The following MBNL3 variants were observed in gnomAD, a reference collection of about 807,000 sequenced individuals.
MBNL3 encodes the protein muscleblind-like protein 3.
MBNL3 carries 6 observed loss-of-function variants against 24.5 expected under a neutral mutation model. That is an observed-to-expected ratio of 0.25 (90% confidence interval 0.13 to 0.48). The LOEUF is 0.48. MBNL3 is among the 20% of genes least tolerant of loss of function. The probability of loss-of-function intolerance (pLI) is 0.99; values close to 1 mark genes in which losing one functional copy is unlikely to be tolerated. For synonymous variants in MBNL3, 100 were observed against 101.7 expected (o/e 0.98, Z 0.10); for missense variants, 230 against 293.5 (o/e 0.78, Z 1.58).
intron 1 of MBNL3, among the ~76,000 whole-genome samples, chrX:132,484,849 T>C (rs1167991012): frequency 1.8e-5 from 2 of 110,862 alleles, no homozygotes; most frequent in Non-Finnish European, 3.8e-5. Context: ...GTTGACATAA[T>C]ATTTTAGGAA....
chrX:132,390,151 C>T (rs1936867913), intron 5 of MBNL3, among the ~76,000 whole-genome samples: 1 of 107,084 alleles, frequency 9.3e-6, no homozygotes, highest in Non-Finnish European at 1.9e-5. Flanking sequence ...TGAGATCACG[C>T]CACTGCACCC....
rs1434743070 is a variant in MBNL3 at position 132,460,486 on chromosome X, T to C, written c.-703-20172A>G. 3.6e-5 allele frequency among the ~76,000 whole-genome samples: 4 copies of C among 111,639 alleles called. No homozygotes were observed. The East Asian group carries it at 1.1e-3, about 31-fold the overall frequency. ...AATAATCTGTACTTCAGTTTCCTCA[T>C]CTATAAAATGGTGGCAGTAATAGTA... On this transcript the variant is annotated intron_variant, in intron 1 of 8. Coordinates refer to ENST00000370853, the MANE Select transcript of MBNL3 (RefSeq NM_001386889.1).
At chrX:132,421,266 G>T (rs897876193) in intron 2 of MBNL3, among the ~76,000 whole-genome samples, 2 of 111,035 alleles carry the variant, frequency 1.8e-5, no homozygotes, top group Non-Finnish European at 3.8e-5. Context: ...TATTTCCCGA[G>T]AATTAAGTAT....
At chrX:132,483,222 C>T (rs1947834103) in intron 1 of MBNL3, among the ~76,000 whole-genome samples, 1 of 112,081 alleles carries the variant, frequency 8.9e-6, no homozygotes, top group Non-Finnish European at 1.9e-5. Flanking sequence ...GCACCCCCAA[C>T]TGGGCCATTA....
intron 1 of MBNL3, among the ~76,000 whole-genome samples, chrX:132,463,208 T>A (rs1336444696): frequency 2.7e-5 from 3 of 112,465 alleles, no homozygotes; most frequent in Admixed American, 9.4e-5. Context: ...ATGCCTGTAA[T>A]CTCAGCACTT....
intron 1 of MBNL3, among the ~76,000 whole-genome samples, chrX:132,465,550 C>A (rs1324833679): frequency 8.9e-6 from 1 of 112,164 alleles, no homozygotes; most frequent in African/African-American, 3.2e-5. Context: ...TAAATCGAAC[C>A]TTAAAAAGTT....
intron 5 of MBNL3, among the ~76,000 whole-genome samples, chrX:132,389,064 T>G (rs1380550626): frequency 8.9e-6 from 1 of 112,124 alleles, no homozygotes; most frequent in Non-Finnish European, 1.9e-5. Context: ...TTGTAACCTA[T>G]GCATTCTATC....
intron 2 of MBNL3, among the ~76,000 whole-genome samples, chrX:132,414,491 A>C (rs1943112927): frequency 8.9e-6 from 1 of 112,007 alleles, no homozygotes; most frequent in African/African-American, 3.2e-5. Context: ...GGAACCTCAA[A>C]AGCTGGGTTC....
intron 1 of MBNL3, among the ~76,000 whole-genome samples, chrX:132,481,309 A>C (rs1414798316): frequency 2.7e-5 from 3 of 112,635 alleles, no homozygotes; most frequent in Non-Finnish European, 5.6e-5. Flanking sequence ...TATCCAAAAA[A>C]CATTCACTTA....
At chrX:132,389,498 A>T (rs1238297789) in intron 5 of MBNL3, among the ~76,000 whole-genome samples, 1 of 111,880 alleles carries the variant, frequency 8.9e-6, no homozygotes, top group East Asian at 2.8e-4. Flanking sequence ...GATGTTTGAA[A>T]ATAAGTGTCT....
chrX:132,463,677 A>G (rs1021877935), intron 1 of MBNL3, among the ~76,000 whole-genome samples: 1 of 111,506 alleles, frequency 9.0e-6, no homozygotes, highest in Non-Finnish European at 1.9e-5. Flanking sequence ...AGTTTCGCAC[A>G]CAATTTTAAA....
chrX:132,412,754 C>T (rs775691037), intron 2 of MBNL3, among the ~76,000 whole-genome samples: 59 of 111,993 alleles, frequency 5.3e-4, no homozygotes, highest in African/African-American at 1.7e-3. Context: ...CATCGAATAC[C>T]GTACATCACT....
chrX:132,412,388 C>A (rs748002832), intron 2 of MBNL3, among the ~76,000 whole-genome samples: 2 of 112,012 alleles, frequency 1.8e-5, no homozygotes, highest in South Asian at 3.8e-4. Context: ...CCCCACCCCC[C>A]ATCCTGAATT....
intron 2 of MBNL3, among the ~76,000 whole-genome samples, chrX:132,428,566 A>G (rs1232049342): frequency 5.4e-5 from 6 of 111,203 alleles, no homozygotes; most frequent in East Asian, 2.8e-4. Context: ...ATGTAGCAGA[A>G]TAAACACTGA....
chrX:132,427,572 T>C (rs1201040927), intron 2 of MBNL3, among the ~76,000 whole-genome samples: 2 of 111,716 alleles, frequency 1.8e-5, no homozygotes, highest in East Asian at 2.8e-4. Context: ...CTTTCACAAA[T>C]GGGAAGATGA....
chrX:132,379,586 A>G lies in MBNL3; in HGVS notation c.*80T>C. Reference sequence around the variant, plus strand: ...ACACGCTTATTGTTGTGTTGGTAGAATAAGACATACGAGAATATATATAGA... The same window carrying G: ...ACACGCTTATTGTTGTGTTGGTAGAGTAAGACATACGAGAATATATATAGA... On this transcript the variant is annotated 3_prime_UTR_variant, in exon 9 of 9. Coordinates refer to ENST00000370853, the MANE Select transcript of MBNL3 (RefSeq NM_001386889.1). The G allele has an allele frequency of 1.9e-6, 2 of 1,041,252 alleles. No individual in the cohort carries two copies. Among genetic ancestry groups the G allele is most frequent in the South Asian group, 4.5e-5 (2 of 44,894 alleles). The allele number at this position is 1,041,252 out of a possible 1,213,427, so 85.8% of individuals were successfully genotyped here.
chrX:132,421,776 C>T (rs1943841643), intron 2 of MBNL3, among the ~76,000 whole-genome samples: 1 of 111,234 alleles, frequency 9.0e-6, no homozygotes, highest in Admixed American at 9.5e-5. Flanking sequence ...CTAGTTGGTA[C>T]TATTTTTATT....
At chrX:132,384,598 A>T in intron 7 of MBNL3, 65 bp downstream of exon 7, 1 of 994,142 alleles carries the variant, frequency 1.0e-6, no homozygotes. Context: ...CATCTTTCAT[A>T]GTCACAACAG....
intron 8 of MBNL3, among the ~76,000 whole-genome samples, chrX:132,380,696 T>C (rs1934740881): frequency 1.8e-5 from 2 of 110,949 alleles, no homozygotes; most frequent in Non-Finnish European, 3.8e-5. Flanking sequence ...TGGTACACTA[T>C]TTTAGTAAGT....
Sources: allele counts gnomAD v4.1 joint callset (sites outside exome capture counted in the v4.1 genomes callset), GRCh38; gene constraint gnomAD v4.1.1; transcripts MANE v1.5; gene names NCBI Gene and HGNC (gene_info 2026-07-23, HGNC 2026-07-21).